Variants in PWWP2A observed in about 807,000 individuals in gnomAD.
PWWP2A encodes the protein PWWP domain-containing protein 2A.
In PWWP2A, 18 loss-of-function variants were observed where a neutral mutation model predicts 48.5. That is an observed-to-expected ratio of 0.37 (90% CI 0.26 to 0.55). The LOEUF (loss-of-function observed/expected upper bound fraction) is 0.55, where lower values mean the gene tolerates loss of function less well. Ranked by LOEUF, PWWP2A falls within the 20% of genes least tolerant of loss-of-function variation. The probability of loss-of-function intolerance (pLI) is 0.81; values close to 1 mark genes in which losing one functional copy is unlikely to be tolerated. For missense variants in PWWP2A, 867 were observed against 976.4 expected (o/e 0.89, Z 1.49); for synonymous variants, 396 against 387.7 (o/e 1.02, Z -0.25).
chr5:160,109,740 C>A (rs1757250736), intron 1 of PWWP2A, among the ~76,000 whole-genome samples: 3 of 61,878 alleles, frequency 4.8e-5, no homozygotes, highest in Non-Finnish European at 9.7e-5. Flanking sequence ...CAAGGAAATG[C>A]AAGAGGATGC....
downstream of PWWP2A, among the ~76,000 whole-genome samples, chr5:160,058,981 C>G (rs1377168391): frequency 6.6e-6 from 1 of 152,134 alleles, no homozygotes; most frequent in African/African-American, 2.4e-5. Flanking sequence ...CTATGTTGTT[C>G]CATTTCTAGA....
At chr5:160,103,632 G>A (rs1756534937) in intron 1 of PWWP2A, among the ~76,000 whole-genome samples, 1 of 152,042 alleles carries the variant, frequency 6.6e-6, no homozygotes, top group South Asian at 2.1e-4. Flanking sequence ...ATTAAGTGAA[G>A]AGCAAAACAG....
Position 160,118,867 on chromosome 5 carries a change from A to C in PWWP2A, c.522T>G (p.Leu174=). Reference sequence around the variant, plus strand: ...TCTCCCCGAAGCGGAACGACACGACAAGCGCGTCCTCAATGATGTGGTCCA... The same window carrying C: ...TCTCCCCGAAGCGGAACGACACGACCAGCGCGTCCTCAATGATGTGGTCCA... The part of the protein sequence containing the change: ...VTLDHIIEDA[L]VVSFRFGEKL... The change falls in exon 1 of 2, where the codon CTT becomes CTG. Residue 174 remains leucine (L), a synonymous_variant. Coordinates refer to ENST00000307063, the MANE Select transcript of PWWP2A (RefSeq NM_001130864.2). 1 of 1,595,062 alleles carries C rather than the reference A, an allele frequency of 6.3e-7. No individual in the cohort carries two copies. The highest frequency in any genetic ancestry group is 1.7e-5 in the Admixed American group (1 of 58,088).
chr5:160,094,110 C>T (rs1360938343), intron 1 of PWWP2A, 45 bp from the exon 2 acceptor site: 4 of 1,497,804 alleles, frequency 2.7e-6, no homozygotes, highest in Non-Finnish European at 3.6e-6. Context: ...AAGTTAACAT[C>T]TATAATTCAA....
At chr5:160,045,509 CACACATACACACTCT>C in the PWWP2A span, among the ~76,000 whole-genome samples, 1 of 76,092 alleles carries the variant, frequency 1.3e-5, no homozygotes. Context: ...CACACACACA[CACACATACACACTCT>C]CTCTCTCTCT....
downstream of PWWP2A, among the ~76,000 whole-genome samples, chr5:160,075,225 T>TA (rs1270422214): frequency 1.3e-5 from 2 of 152,186 alleles, no homozygotes; most frequent in African/African-American, 4.8e-5. Flanking sequence ...AGAAAAAAGA[T>TA]ATTAGCAGAG....
chr5:160,065,415 T>C (rs754058171), intron 4 of PWWP2A: 1 of 474,076 alleles, frequency 2.1e-6, no homozygotes, highest in Non-Finnish European at 4.2e-6. Context: ...AACCTGTTGG[T>C]TGGGAGACTG....
At chr5:160,114,243 A>G (rs535658097) in intron 1 of PWWP2A, among the ~76,000 whole-genome samples, 1 of 152,300 alleles carries the variant, frequency 6.6e-6, no homozygotes, top group African/African-American at 2.4e-5. Context: ...TGAGGCCAAG[A>G]GTTCAGACCT....
At chr5:160,110,535 C>T (rs1175900842) in intron 1 of PWWP2A, among the ~76,000 whole-genome samples, 1 of 150,624 alleles carries the variant, frequency 6.6e-6, no homozygotes, top group Non-Finnish European at 1.5e-5. Flanking sequence ...GGAGAAACCC[C>T]GTCTCTTCTA....
Position 160,093,116 on chromosome 5 carries a change from A to G in PWWP2A, c.1534T>C (p.Ser512Pro). The change falls in exon 2 of 2, where the codon TCT becomes CCT. Residue 512 changes from serine (S) to proline (P), a missense_variant. Ser to Pro is a moderately conservative substitution (Grantham distance 74, BLOSUM62 -1). Coordinates refer to ENST00000307063, the MANE Select transcript of PWWP2A (RefSeq NM_001130864.2). The surrounding 1 kb of genome is among the most constrained non-coding windows in gnomAD (Gnocchi z 5.8). The part of the protein sequence containing the change: ...MAPKPQSRCT[S>P]TRSAGEAPSE... ...GGGGCCTCACCTGCTGAGCGGGTAGAGGTGCAGCGAGACTGGGGCTTGGGT... is the reference window on the plus strand; with the variant it reads ...GGGGCCTCACCTGCTGAGCGGGTAGGGGTGCAGCGAGACTGGGGCTTGGGT... The G allele has an allele frequency of 6.2e-7, 1 of 1,613,910 alleles. No homozygotes were observed. Among genetic ancestry groups the G allele is most frequent in the Non-Finnish European group, 8.5e-7 (1 of 1,179,868 alleles).
chr5:160,113,399 C>T, intron 1 of PWWP2A: 1 of 888,462 alleles, frequency 1.1e-6, no homozygotes, highest in Non-Finnish European at 1.3e-6. Flanking sequence ...CTTAGTCATC[C>T]ACACATATAT....
At chr5:160,085,201 G>GT (rs1294426007) in intron 2 of PWWP2A, among the ~76,000 whole-genome samples, 2 of 151,844 alleles carry the variant, frequency 1.3e-5, no homozygotes, top group African/African-American at 4.8e-5. Context: ...GCTAATTTTT[G>GT]TATTTTTAGT....
In PWWP2A at chr5:160,077,548, G is replaced by A. The variant is rs555896275; in HGVS notation, c.*607C>T. The stretch of plus-strand genomic sequence containing the variant: ...AATACAGCCCTGCTTTATTAAAGAA[G>A]GAAAAGATCCAAATTGTGTTTGTGG... On this transcript the variant is annotated 3_prime_UTR_variant, in exon 4 of 4. Transcript: ENST00000456329. This position sits in a 1 kb window ranked among gnomAD's most constrained non-coding sequence, Gnocchi z 4.2. 6.6e-6 allele frequency: 1 copy of A among 152,352 alleles called. No homozygotes were observed. Among genetic ancestry groups the A allele is most frequent in the South Asian group, 2.1e-4 (1 of 4,832 alleles). 9.4% of individuals were successfully genotyped at this position (152,352 alleles called of 1,614,324 possible).
At chr5:160,049,117 A>G in the PWWP2A span, among the ~76,000 whole-genome samples, 1 of 152,360 alleles carries the variant, frequency 6.6e-6, no homozygotes, top group South Asian at 2.1e-4. Flanking sequence ...TGTTTTTGAT[A>G]GCCTAAAAGC....
downstream of PWWP2A, among the ~76,000 whole-genome samples, chr5:160,087,407 G>A (rs1432567166): frequency 6.6e-6 from 1 of 151,378 alleles, no homozygotes; most frequent in African/African-American, 2.4e-5. Flanking sequence ...AGGAGGGGCT[G>A]GGGCACCAAT....
At position 160,092,029 on chromosome 5, in the gene PWWP2A, C is replaced by CACACACATATATATATATATATATATAT. The variant is rs1755131885; in HGVS notation, c.*352_*353insATATATATATATATATATATATGTGTGT. On this transcript the variant is annotated 3_prime_UTR_variant, in exon 2 of 2. Coordinates refer to ENST00000307063, the MANE Select transcript of PWWP2A (RefSeq NM_001130864.2). ...ACATACACGGATATATATATATACA[C>CACACACATATATATATATATATATATAT]ACACACACACGTATATATATGTATA... 2 of 299,458 alleles carry CACACACATATATATATATATATATATAT rather than the reference C, an allele frequency of 6.7e-6. No individual in the cohort carries two copies. Among genetic ancestry groups the CACACACATATATATATATATATATATAT allele is most frequent in the Admixed American group, 1.5e-4 (2 of 13,530 alleles). The allele number at this position is 299,458 out of a possible 1,614,324, so 18.6% of individuals were successfully genotyped here.
downstream of PWWP2A, chr5:160,090,144 T>G: frequency 1.0e-6 from 1 of 985,308 alleles, no homozygotes; most frequent in Non-Finnish European, 1.2e-6. Flanking sequence ...ACAAAACTGA[T>G]TGTTATTTTT....
rs112525471 is a variant in PWWP2A at position 160,062,955 on chromosome 5, C to T, written c.*368+587G>A. On this transcript the variant is annotated intron_variant and NMD_transcript_variant, in intron 5 of 5. Transcript: ENST00000524050. ...GCCCCTCCCTCTACGCCCATGTGCC[C>T]GAGGCTGTGCCGCTGCCTTGTGCAG... 4.2e-3 allele frequency among the ~76,000 whole-genome samples: 636 copies of T among 152,252 alleles called. 5 individuals carry two copies. The highest frequency in any genetic ancestry group is 0.015 in the African/African-American group (613 of 41,538).
At chr5:160,101,695 G>A (rs914867221) in intron 1 of PWWP2A, among the ~76,000 whole-genome samples, 4 of 150,860 alleles carry the variant, frequency 2.7e-5, no homozygotes, top group South Asian at 2.1e-4. Flanking sequence ...TTAAAAATGT[G>A]CATCTAAGAC....
Sources: gnomAD v4.1 joint callset for allele counts (sites outside exome capture counted in the v4.1 genomes callset) on GRCh38, gnomAD v4.1.1 for gene constraint, Gnocchi (gnomAD v3.1) non-coding constraint, MANE v1.5 for transcripts, NCBI Gene and HGNC (gene_info 2026-07-23, HGNC 2026-07-21) for gene names.